SAMM50: variants seen among roughly 807,000 people sequenced by gnomAD.
SAMM50 encodes the protein SAMM50 sorting and assembly machinery component, also known as sorting and assembly machinery component 50 homolog.
Under a neutral mutation model 66.9 loss-of-function variants are expected in SAMM50, and 47 were observed. The ratio of observed to expected loss-of-function variants is 0.70; its 90% CI spans 0.56 to 0.90. The LOEUF (loss-of-function observed/expected upper bound fraction) is 0.90. Ranked by LOEUF, SAMM50 falls within the 40% of genes least tolerant of loss-of-function variation. The pLI is 0.00. For synonymous variants in SAMM50, 191 were observed against 214.1 expected, an observed-to-expected ratio of 0.89 and a Z score of 0.94; for missense variants, 535 against 595.3, an observed-to-expected ratio of 0.90 and a Z score of 1.05.
At chr22:43,977,979 G>GACAGT in intron 10 of SAMM50, 21 bp downstream of exon 10, 1 of 1,511,518 alleles carries the variant, frequency 6.6e-7, no homozygotes, top group Non-Finnish European at 9.2e-7. Flanking sequence ...AACGGATGCT[G>GACAGT]GCACCTGCAC....
intron 10 of SAMM50, among the ~76,000 whole-genome samples, chr22:43,979,588 C>T (rs187271466): frequency 1.3e-5 from 2 of 151,882 alleles, no homozygotes; most frequent in African/African-American, 2.4e-5. Context: ...CCCCTTCCCC[C>T]CTCTACACTA....
chr22:43,994,733 A>G (rs1014226818), intron 14 of SAMM50, among the ~76,000 whole-genome samples: 2 of 152,156 alleles, frequency 1.3e-5, no homozygotes, highest in African/African-American at 4.8e-5. Context: ...TGTCTGGAGG[A>G]TGCCAAGGCT....
intron 14 of SAMM50, among the ~76,000 whole-genome samples, chr22:43,993,634 T>C (rs2235778): frequency 0.48 from 72,510 of 152,060 alleles, 18,089 homozygotes; most frequent in African/African-American, 0.63. Flanking sequence ...CAGTGAGCTC[T>C]GAACGGGGTC....
At chr22:43,982,040 C>T (rs145591835) in intron 11 of SAMM50, among the ~76,000 whole-genome samples, 1 of 152,316 alleles carries the variant, frequency 6.6e-6, no homozygotes, top group Non-Finnish European at 1.5e-5. Flanking sequence ...TATACCCCTA[C>T]CAGCAGGGTA....
chr22:43,959,507 T>TACACACACAC (rs138315774), intron 1 of SAMM50, among the ~76,000 whole-genome samples: 18,559 of 138,354 alleles, frequency 0.13, 1,352 homozygotes, highest in African/African-American at 0.18. Flanking sequence ...TTTTTTATAT[T>TACACACACAC]ACACACACAC....
intron 8 of SAMM50, 109 bp downstream of exon 8, chr22:43,976,292 A>T: frequency 2.2e-6 from 3 of 1,343,786 alleles, no homozygotes. Context: ...CGTCACCCAG[A>T]TGGGGTGTCC....
intron 10 of SAMM50, among the ~76,000 whole-genome samples, chr22:43,978,942 C>T (rs1358357367): frequency 1.3e-5 from 2 of 152,214 alleles, no homozygotes; most frequent in Admixed American, 6.5e-5. Flanking sequence ...CAGCCCTTGA[C>T]TCTGCACTTT....
chr22:43,981,478 G>C lies in SAMM50; in HGVS notation c.1007+17G>C, dbSNP rs1320869766. ...TGCTGATAGGTAAGTACTAATCAAT[G>C]AATGGATAATTTGCACATATTTTCC... On this transcript the variant is annotated intron_variant, in intron 11 of 14. Coordinates refer to ENST00000350028, the MANE Select transcript of SAMM50 (RefSeq NM_015380.5). 6.5e-7 allele frequency: 1 copy of C among 1,546,552 alleles called. No homozygotes were observed. The highest frequency in any genetic ancestry group is 1.4e-5 in the African/African-American group (1 of 73,664).
intron 1 of SAMM50, chr22:43,957,191 C>T (rs1280695386): frequency 4.3e-6 from 3 of 690,976 alleles, no homozygotes; most frequent in Non-Finnish European, 8.0e-6. Flanking sequence ...AACATAGTGA[C>T]TCCTGGCGGC....
intron 14 of SAMM50, among the ~76,000 whole-genome samples, chr22:43,992,949 T>C (rs2050333022): frequency 6.6e-6 from 1 of 152,220 alleles, no homozygotes; most frequent in Non-Finnish European, 1.5e-5. Context: ...GGCACCTTTT[T>C]CCAGAGCGAG....
intron 1 of SAMM50, 138 bp from the exon 2 acceptor site, chr22:43,963,148 C>T: frequency 1.8e-6 from 1 of 560,224 alleles, no homozygotes. Context: ...CTCCCTGGTC[C>T]CTATTCCTGC....
chr22:43,973,317 G>GT lies in SAMM50; in HGVS notation c.643dup (p.Tyr215LeufsTer68). 1 of 1,585,956 alleles carries GT rather than the reference G, an allele frequency of 6.3e-7. No individual in the cohort carries two copies. The highest frequency in any genetic ancestry group is 8.7e-7 in the Non-Finnish European group (1 of 1,154,390). ...AGACGGACAGAGGAATGTCAGCTGA[G>GT]TACAGTGTGAGTAGCATTTCAGTCC... On this transcript the variant is annotated frameshift_variant, in exon 7 of 15. Coordinates refer to ENST00000350028, the MANE Select transcript of SAMM50 (RefSeq NM_015380.5). LOFTEE classifies it high-confidence loss of function.
At chr22:43,996,299 C>G in intron 14 of SAMM50, 39 bp from the exon 15 acceptor site, 1 of 1,611,138 alleles carries the variant, frequency 6.2e-7, no homozygotes, top group Non-Finnish European at 8.5e-7. Context: ...GCAGGGCTGG[C>G]GGAGCGGCCG....
chr22:43,977,395 T>C (rs2050238157), intron 9 of SAMM50, among the ~76,000 whole-genome samples: 1 of 152,190 alleles, frequency 6.6e-6, no homozygotes, highest in African/African-American at 2.4e-5. Context: ...CACTGAACCT[T>C]GAGGCTTCCC....
chr22:43,962,438 C>T (rs1399989596), intron 1 of SAMM50, among the ~76,000 whole-genome samples: 1 of 152,132 alleles, frequency 6.6e-6, no homozygotes, highest in Admixed American at 6.6e-5. Flanking sequence ...ACAATGTCTT[C>T]CTGGAAATAT....
intron 9 of SAMM50, among the ~76,000 whole-genome samples, 162 bp downstream of exon 9, chr22:43,976,983 T>A (rs1376463992): frequency 6.6e-6 from 1 of 152,200 alleles, no homozygotes; most frequent in East Asian, 1.9e-4. Context: ...CTCTCAGGGC[T>A]TCCAGCCCGG....
rs1208197341 is a variant in SAMM50 at position 43,983,025 on chromosome 22, G to C, written c.1008-908G>C. 6.6e-6 allele frequency among the ~76,000 whole-genome samples: 1 copy of C among 152,214 alleles called. No homozygotes were observed. Among genetic ancestry groups the C allele is most frequent in the African/African-American group, 2.4e-5 (1 of 41,448 alleles). On this transcript the variant is annotated intron_variant, in intron 11 of 14. Transcript: ENST00000350028. This position sits in a 1 kb window ranked among gnomAD's most constrained non-coding sequence, Gnocchi z 4.2. ...GAAAAGCCTTGCTTAGAAATCCCAA[G>C]TAGTAAAAACATATTTATAGGTTTT...
intron 4 of SAMM50, among the ~76,000 whole-genome samples, chr22:43,970,036 A>G (rs538587041): frequency 6.6e-5 from 10 of 152,352 alleles, no homozygotes; most frequent in African/African-American, 2.2e-4. Flanking sequence ...GCAAAAAATA[A>G]GGTGCTAGAT....
intron 11 of SAMM50, among the ~76,000 whole-genome samples, chr22:43,982,468 C>T (rs752649702): frequency 9.9e-5 from 15 of 152,264 alleles, no homozygotes; most frequent in East Asian, 1.9e-4. Context: ...CCCTTTCCAG[C>T]GTGCATGCAG....
Sources: allele counts gnomAD v4.1 joint callset (sites outside exome capture counted in the v4.1 genomes callset), GRCh38; gene constraint gnomAD v4.1.1; non-coding constraint Gnocchi (gnomAD v3.1); transcripts MANE v1.5; gene names NCBI Gene and HGNC (gene_info 2026-07-23, HGNC 2026-07-21).